The following ZNF385D variants were observed in gnomAD, a reference collection of about 807,000 sequenced individuals.
The protein encoded by ZNF385D is zinc finger protein 385D.
ZNF385D carries 15 observed loss-of-function variants against 35.8 expected under a neutral mutation model. The ratio of observed to expected loss-of-function variants is 0.42; its 90% CI spans 0.28 to 0.64. ZNF385D has a LOEUF of 0.64. Among genes scored for constraint, ZNF385D ranks in the 30% least tolerant of loss-of-function variants. The pLI is 0.23. For synonymous variants in ZNF385D, 212 were observed against 186.8 expected (o/e 1.13, Z -1.10); for missense variants, 474 against 494.6 (o/e 0.96, Z 0.39).
intron 2 of ZNF385D, among the ~76,000 whole-genome samples, chr3:22,231,956 G>A (rs749438446): frequency 5.3e-5 from 8 of 152,084 alleles, no homozygotes; most frequent in Non-Finnish European, 1.2e-4. Context: ...CATGGAAGAC[G>A]TGCCTCCTTC....
chr3:21,767,834 G>A (rs1434187755), intron 3 of ZNF385D, among the ~76,000 whole-genome samples: 1 of 151,998 alleles, frequency 6.6e-6, no homozygotes, highest in Non-Finnish European at 1.5e-5. Flanking sequence ...AATTAAAGAA[G>A]TTAAATTTCT....
chr3:21,978,815 T>C (rs1443391157), intron 3 of ZNF385D, among the ~76,000 whole-genome samples: 2 of 152,158 alleles, frequency 1.3e-5, no homozygotes, highest in African/African-American at 2.4e-5. Flanking sequence ...TGCTCAGCAT[T>C]ATGACAAATG....
At position 21,987,161 on chromosome 3, in the gene ZNF385D, C is replaced by A. The variant is rs969352101; in HGVS notation, c.325+181656G>T. 1.9e-3 allele frequency among the ~76,000 whole-genome samples: 260 copies of A among 134,440 alleles called. 6 individuals carry two copies. Among genetic ancestry groups the A allele is most frequent in the African/African-American group, 7.7e-3 (254 of 33,136 alleles). 88.2% of individuals were successfully genotyped at this position (134,440 alleles called of 152,430 possible). ...TGTCTTTTAATTGGAGAATTTAGTC[C>A]ATTTACATTTAAAGTTAATACTGTT... On this transcript the variant is annotated intron_variant, in intron 3 of 5. Transcript: ENST00000494108.
chr3:22,275,425 A>C (rs952364638), intron 2 of ZNF385D, among the ~76,000 whole-genome samples: 4 of 152,120 alleles, frequency 2.6e-5, no homozygotes, highest in Non-Finnish European at 4.4e-5. Flanking sequence ...AAGTAATTAC[A>C]AAGTACAATG....
At chr3:22,311,239 C>A (rs1212301638) in intron 2 of ZNF385D, among the ~76,000 whole-genome samples, 2 of 151,918 alleles carry the variant, frequency 1.3e-5, no homozygotes, top group East Asian at 3.8e-4. Flanking sequence ...ATACTTTTAT[C>A]TTTATATTAA....
chr3:21,755,361 G>T (rs746718584), upstream of ZNF385D, among the ~76,000 whole-genome samples: 4 of 152,094 alleles, frequency 2.6e-5, no homozygotes, highest in Non-Finnish European at 5.9e-5. Context: ...TATCCACCAA[G>T]GTCGTTAAGG....
intron 3 of ZNF385D, among the ~76,000 whole-genome samples, chr3:21,926,340 G>C (rs1478438140): frequency 4.6e-5 from 7 of 151,992 alleles, no homozygotes; most frequent in Non-Finnish European, 1.0e-4. Context: ...GTGTCCATGT[G>C]TTCTCATTGT....
At chr3:21,538,974 TA>T (rs949977652) in intron 3 of ZNF385D, among the ~76,000 whole-genome samples, 4 of 152,096 alleles carry the variant, frequency 2.6e-5, no homozygotes, top group African/African-American at 9.7e-5. Flanking sequence ...GTTTCATGTA[TA>T]AAAAACCATA....
intron 2 of ZNF385D, among the ~76,000 whole-genome samples, chr3:22,188,641 G>A (rs1026877766): frequency 6.6e-6 from 1 of 151,978 alleles, no homozygotes; most frequent in African/African-American, 2.4e-5. Flanking sequence ...TAGAAGAGAT[G>A]GGGTTTCACC....
intron 2 of ZNF385D, among the ~76,000 whole-genome samples, chr3:22,241,528 A>T (rs1333455502): frequency 1.3e-5 from 2 of 151,182 alleles, no homozygotes; most frequent in Non-Finnish European, 2.9e-5. Context: ...TTCTGTATAG[A>T]CACTTGTAGA....
chr3:22,039,019 T>C (rs1028639401), intron 3 of ZNF385D, among the ~76,000 whole-genome samples: 1 of 151,592 alleles, frequency 6.6e-6, no homozygotes, highest in Admixed American at 6.6e-5. Context: ...TACCTTGTAA[T>C]TTATGTAGTG....
chr3:22,345,740 T>C (rs1243931666), intron 2 of ZNF385D, among the ~76,000 whole-genome samples: 5 of 152,204 alleles, frequency 3.3e-5, no homozygotes, highest in Non-Finnish European at 5.9e-5. Flanking sequence ...GAAGTGCTAC[T>C]GGCTGATACA....
intron 3 of ZNF385D, among the ~76,000 whole-genome samples, chr3:22,163,237 T>C (rs568911854): frequency 2.0e-5 from 3 of 152,088 alleles, no homozygotes; most frequent in Non-Finnish European, 4.4e-5. Flanking sequence ...ACTTTAGAGA[T>C]TCTTGAATCA....
intron 3 of ZNF385D, among the ~76,000 whole-genome samples, chr3:22,030,131 T>C (rs1332216574): frequency 1.3e-5 from 2 of 150,946 alleles, no homozygotes; most frequent in Non-Finnish European, 3.0e-5. Context: ...TGCTTCCTGC[T>C]CTTGAACATC....
intron 2 of ZNF385D, among the ~76,000 whole-genome samples, chr3:22,344,785 G>A (rs1695583819): frequency 1.3e-5 from 2 of 152,044 alleles, no homozygotes; most frequent in South Asian, 2.1e-4. Context: ...TATTTAATGA[G>A]GATAAATCCT....
In ZNF385D at chr3:22,128,910, C is replaced by T. The variant is rs114981077; in HGVS notation, c.325+39907G>A. Among the ~76,000 whole-genome samples, 838 of 152,226 alleles carry T rather than the reference C, an allele frequency of 5.5e-3. 5 individuals are homozygous for T. The highest frequency in any genetic ancestry group is 0.018 in the African/African-American group (735 of 41,538). On this transcript the variant is annotated intron_variant, in intron 3 of 5. Coordinates refer to the ZNF385D transcript ENST00000494108. The stretch of plus-strand genomic sequence containing the variant: ...GTCACTGTTGTCTCTTTTAGAAGAA[C>T]TAGGTATTTATTCTAATATTTGCAG...
At chr3:21,783,223 C>T (rs1308771540) in intron 3 of ZNF385D, among the ~76,000 whole-genome samples, 4 of 152,008 alleles carry the variant, frequency 2.6e-5, no homozygotes, top group Non-Finnish European at 4.4e-5. Flanking sequence ...AATGAAGAGC[C>T]TGGATAGGTA....
chr3:21,583,638 A>G (rs1037921867), intron 2 of ZNF385D, among the ~76,000 whole-genome samples: 1 of 152,054 alleles, frequency 6.6e-6, no homozygotes, highest in African/African-American at 2.4e-5. Context: ...TAATATGTAT[A>G]TTCTGTCACA....
intron 3 of ZNF385D, among the ~76,000 whole-genome samples, chr3:21,818,536 C>A (rs2073257950): frequency 6.6e-6 from 1 of 152,090 alleles, no homozygotes; most frequent in Non-Finnish European, 1.5e-5. Flanking sequence ...AAGCCTATTT[C>A]TCAGAGAGAT....
Sources: allele counts gnomAD v4.1 joint callset (sites outside exome capture counted in the v4.1 genomes callset), GRCh38; gene constraint gnomAD v4.1.1; transcripts MANE v1.5; gene names NCBI Gene and HGNC (gene_info 2026-07-23, HGNC 2026-07-21).